GRID2: variants seen among roughly 807,000 people sequenced by gnomAD.
GRID2 encodes the protein glutamate ionotropic receptor delta type subunit 2, also known as glutamate receptor ionotropic, delta-2.
Under a neutral mutation model 114.8 loss-of-function variants are expected in GRID2, and 33 were observed. That is an observed-to-expected ratio of 0.29 (90% CI 0.22 to 0.38). The LOEUF is 0.38. GRID2 is among the 10% of genes least tolerant of loss of function. GRID2 has a pLI of 1.00. For missense variants in GRID2, 1,184 were observed against 1,257.7 expected, an observed-to-expected ratio of 0.94 and a Z score of 0.89; for synonymous variants, 505 against 449.9, an observed-to-expected ratio of 1.12 and a Z score of -1.55.
At chr4:92,812,231 G>T (rs2149379902) in intron 2 of GRID2, among the ~76,000 whole-genome samples, 1 of 152,176 alleles carries the variant, frequency 6.6e-6, no homozygotes, top group East Asian at 1.9e-4. Context: ...TATTATCTGT[G>T]AGTGAGATAT....
intron 14 of GRID2, among the ~76,000 whole-genome samples, chr4:93,760,592 G>C (rs950781802): frequency 6.6e-6 from 1 of 152,120 alleles, no homozygotes; most frequent in African/African-American, 2.4e-5. Flanking sequence ...TCACCTCACC[G>C]GCAGGAGTTA....
intron 4 of GRID2, among the ~76,000 whole-genome samples, chr4:93,181,444 T>C (rs901372602): frequency 4.6e-5 from 7 of 152,170 alleles, no homozygotes; most frequent in African/African-American, 1.7e-4. Flanking sequence ...TGGCTTCAAC[T>C]TAAAGTCATC....
intron 1 of GRID2, among the ~76,000 whole-genome samples, chr4:92,322,739 C>A (rs779269232): frequency 6.6e-6 from 1 of 152,078 alleles, no homozygotes; most frequent in Admixed American, 6.6e-5. Context: ...GCCAATAATT[C>A]TGTCTTAGCA....
intron 1 of GRID2, among the ~76,000 whole-genome samples, chr4:92,357,004 T>A (rs1406681190): frequency 6.6e-6 from 1 of 151,798 alleles, no homozygotes; most frequent in Non-Finnish European, 1.5e-5. Flanking sequence ...AAGAGCAACA[T>A]GCACGGATCC....
intron 2 of GRID2, among the ~76,000 whole-genome samples, chr4:93,048,601 T>C (rs1726392086): frequency 6.6e-6 from 1 of 152,060 alleles, no homozygotes; most frequent in South Asian, 2.1e-4. Flanking sequence ...ATAAAAATTA[T>C]TTGTGTGAAA....
At chr4:92,863,001 G>T (rs1454402546) in intron 2 of GRID2, among the ~76,000 whole-genome samples, 1 of 151,908 alleles carries the variant, frequency 6.6e-6, no homozygotes, top group African/African-American at 2.4e-5. Flanking sequence ...TCTTCTCTCG[G>T]CACTTACCCA....
intron 11 of GRID2, among the ~76,000 whole-genome samples, chr4:93,467,790 A>C (rs1724433148): frequency 6.6e-6 from 1 of 152,202 alleles, no homozygotes; most frequent in Non-Finnish European, 1.5e-5. Context: ...AGCAGGAACC[A>C]TTATCCTATG....
intron 14 of GRID2, among the ~76,000 whole-genome samples, chr4:93,681,468 C>T (rs1471085993): frequency 6.6e-6 from 1 of 151,546 alleles, no homozygotes; most frequent in African/African-American, 2.4e-5. Context: ...GCCCGCATTG[C>T]CAAGTCAATC....
chr4:92,545,679 T>C (rs905535198), intron 1 of GRID2, among the ~76,000 whole-genome samples: 7 of 152,212 alleles, frequency 4.6e-5, no homozygotes, highest in Admixed American at 1.3e-4. Context: ...CTTTAGGATA[T>C]AGCCAACATA....
intron 13 of GRID2, among the ~76,000 whole-genome samples, chr4:93,591,744 G>T (rs1411513975): frequency 1.3e-5 from 2 of 152,256 alleles, no homozygotes; most frequent in Admixed American, 1.3e-4. Flanking sequence ...TCCTGTTATT[G>T]GTGTATTCAG....
chr4:93,697,869 G>GTGTTTATATATATATATATATATATATA (rs1553986412), intron 14 of GRID2, among the ~76,000 whole-genome samples: 1 of 122,658 alleles, frequency 8.2e-6, no homozygotes, highest in Admixed American at 8.5e-5. Flanking sequence ...CACAATGTGT[G>GTGTTTATATATATATATATATATATATA]TATATATATA....
At chr4:93,707,776 C>A (rs951676201) in intron 14 of GRID2, among the ~76,000 whole-genome samples, 2 of 151,622 alleles carry the variant, frequency 1.3e-5, no homozygotes, top group African/African-American at 2.4e-5. Context: ...TAAGGTATAT[C>A]ATTAGGTTAT....
intron 2 of GRID2, among the ~76,000 whole-genome samples, chr4:93,054,896 G>C (rs778593248): frequency 2.6e-5 from 4 of 151,508 alleles, no homozygotes; most frequent in Non-Finnish European, 5.9e-5. Context: ...CTTACAACTA[G>C]ATATTTTAAA....
intron 13 of GRID2, among the ~76,000 whole-genome samples, chr4:93,587,444 T>A (rs1472069727): frequency 6.6e-6 from 1 of 152,152 alleles, no homozygotes; most frequent in Non-Finnish European, 1.5e-5. Context: ...TTTTTGCTGA[T>A]AGCAAAGTGA....
intron 14 of GRID2, among the ~76,000 whole-genome samples, chr4:93,726,704 T>C (rs370749595): frequency 0.038 from 5,671 of 151,080 alleles, 339 homozygotes; most frequent in African/African-American, 0.13. Context: ...CCTTCACATC[T>C]CTTGTAAGTT....
At chr4:93,586,423 C>G (rs193230686) in intron 13 of GRID2, among the ~76,000 whole-genome samples, 2 of 152,212 alleles carry the variant, frequency 1.3e-5, no homozygotes, top group African/African-American at 4.8e-5. Context: ...AATGAGTACC[C>G]CTCTGCCATT....
intron 4 of GRID2, among the ~76,000 whole-genome samples, chr4:93,145,821 C>T (rs879435350): frequency 6.7e-6 from 1 of 149,332 alleles, no homozygotes; most frequent in Non-Finnish European, 1.5e-5. Flanking sequence ...ATGGATGATT[C>T]ACAGGGTTTT....
chr4:93,208,837 G>C (rs1743114411), intron 5 of GRID2, among the ~76,000 whole-genome samples: 1 of 151,920 alleles, frequency 6.6e-6, no homozygotes. Context: ...TTTCAATAAA[G>C]TTCTGGTACC....
At chr4:92,905,160 A>G (rs1468975934) in intron 2 of GRID2, among the ~76,000 whole-genome samples, 1 of 152,026 alleles carries the variant, frequency 6.6e-6, no homozygotes, top group Non-Finnish European at 1.5e-5. Flanking sequence ...AAAATTTTCA[A>G]TGGTACTGAC....
Sources: gnomAD v4.1 joint callset for allele counts (sites outside exome capture counted in the v4.1 genomes callset) on GRCh38, gnomAD v4.1.1 for gene constraint, MANE v1.5 for transcripts, NCBI Gene and HGNC (gene_info 2026-07-23, HGNC 2026-07-21) for gene names.